The following FAM13C variants were observed in gnomAD, a reference collection of about 807,000 sequenced individuals.
FAM13C encodes the protein family with sequence similarity 13 member C, also known as protein FAM13C.
Under a neutral mutation model 73.2 loss-of-function variants are expected in FAM13C, and 37 were observed. That is an observed-to-expected ratio of 0.51 (90% CI 0.39 to 0.67). The LOEUF is 0.67. FAM13C is among the 30% of genes least tolerant of loss of function. The pLI, the probability that FAM13C is intolerant of heterozygous loss-of-function variation, is 0.00. For missense variants in FAM13C, 589 were observed against 715.6 expected (o/e 0.82, Z 2.02); for synonymous variants, 246 against 260.9 (o/e 0.94, Z 0.55).
At chr10:59,335,475 C>T (rs1852596960) in intron 3 of FAM13C, among the ~76,000 whole-genome samples, 1 of 152,132 alleles carries the variant, frequency 6.6e-6, no homozygotes, top group African/African-American at 2.4e-5. Context: ...TGCAGCTTGG[C>T]CAATAGATAC....
At chr10:59,262,696 A>T in intron 9 of FAM13C, 51 bp from the exon 10 acceptor site, 1 of 1,469,652 alleles carries the variant, frequency 6.8e-7, no homozygotes. Flanking sequence ...CACTAGTTCT[A>T]AGAATGGAGA....
chr10:59,337,890 G>T (rs923119890), intron 3 of FAM13C, among the ~76,000 whole-genome samples: 1 of 151,580 alleles, frequency 6.6e-6, no homozygotes, highest in Non-Finnish European at 1.5e-5. Context: ...ATGTTGGCCC[G>T]CCTGGTCTCG....
intron 3 of FAM13C, among the ~76,000 whole-genome samples, chr10:59,350,160 G>A (rs1346018399): frequency 6.6e-6 from 1 of 152,200 alleles, no homozygotes; most frequent in Non-Finnish European, 1.5e-5. Flanking sequence ...AGATAGAACA[G>A]GCCACTTAAA....
chr10:59,256,049 A>G (rs567107801), intron 10 of FAM13C, among the ~76,000 whole-genome samples: 1 of 152,354 alleles, frequency 6.6e-6, no homozygotes, highest in South Asian at 2.1e-4. Flanking sequence ...CCTCTGTAGA[A>G]GCCTGTTAAG....
At chr10:59,361,033 C>T (rs1856346090) in intron 1 of FAM13C, 1 of 1,289,080 alleles carries the variant, frequency 7.8e-7, no homozygotes, top group Non-Finnish European at 1.0e-6. Context: ...TACCTGTGCA[C>T]CTGGAGCAGG....
At chr10:59,273,992 C>T (rs1424744878) in intron 6 of FAM13C, among the ~76,000 whole-genome samples, 2 of 152,036 alleles carry the variant, frequency 1.3e-5, no homozygotes, top group Non-Finnish European at 2.9e-5. Flanking sequence ...TGGGATTGCC[C>T]ATCATGGTGG....
chr10:59,343,167 A>T lies in FAM13C; in HGVS notation c.324+9103T>A, dbSNP rs568555966. ...TAAAATAGCAAAATTAATGAGCTTG[A>T]AGTTTCATTTGGAAGAAAAGAAGAA... On this transcript the variant is annotated intron_variant, in intron 3 of 13. Coordinates refer to ENST00000618804, the MANE Select transcript of FAM13C (RefSeq NM_198215.4). Among the ~76,000 whole-genome samples, 3 of 152,320 alleles carry T rather than the reference A, an allele frequency of 2.0e-5. No individual in the cohort carries two copies. The South Asian group carries it at 6.2e-4, about 32-fold the overall frequency.
chr10:59,290,516 C>T (rs1405584004), intron 5 of FAM13C, among the ~76,000 whole-genome samples: 1 of 152,136 alleles, frequency 6.6e-6, no homozygotes. Context: ...ATACAACACC[C>T]TTCCTTTCCA....
At chr10:59,308,333 A>G (rs1848487271) in intron 4 of FAM13C, among the ~76,000 whole-genome samples, 1 of 151,304 alleles carries the variant, frequency 6.6e-6, no homozygotes, top group South Asian at 2.1e-4. Flanking sequence ...GACTATCACC[A>G]CCATTCACCA....
At chr10:59,271,103 C>T (rs1843672959) in intron 6 of FAM13C, among the ~76,000 whole-genome samples, 1 of 152,176 alleles carries the variant, frequency 6.6e-6, no homozygotes, top group South Asian at 2.1e-4. Context: ...CAGAGTTATT[C>T]AAGAAGCAGC....
intron 5 of FAM13C, among the ~76,000 whole-genome samples, chr10:59,296,511 C>A (rs1307432394): frequency 6.6e-6 from 1 of 152,136 alleles, no homozygotes; most frequent in East Asian, 1.9e-4. Context: ...GTAAATAAAT[C>A]ATCTCTTTTA....
chr10:59,334,313 A>G (rs1192167067), intron 3 of FAM13C, among the ~76,000 whole-genome samples: 1 of 152,226 alleles, frequency 6.6e-6, no homozygotes, highest in Non-Finnish European at 1.5e-5. Context: ...TAAGATATCT[A>G]AAGAGAATAG....
chr10:59,352,815 G>T (rs1855242444), intron 2 of FAM13C, among the ~76,000 whole-genome samples: 1 of 152,142 alleles, frequency 6.6e-6, no homozygotes, highest in South Asian at 2.1e-4. Context: ...ATATTCAGGT[G>T]AGATATCATC....
Position 59,270,114 on chromosome 10 carries a change from G to A in FAM13C, c.593-5C>T. Reference sequence around the variant, plus strand: ...CTTTGTGGACTGGTGAGGGGTCTGGGCAAATGAGACAAATCATCAAGACTT... The same window carrying A: ...CTTTGTGGACTGGTGAGGGGTCTGGACAAATGAGACAAATCATCAAGACTT... On this transcript the variant is annotated splice_region_variant and splice_polypyrimidine_tract_variant and intron_variant, in intron 6 of 13. Coordinates refer to ENST00000618804, the MANE Select transcript of FAM13C (RefSeq NM_198215.4). 6.2e-7 allele frequency: 1 copy of A among 1,611,126 alleles called. No individual in the cohort carries two copies. The highest frequency in any genetic ancestry group is 1.3e-5 in the African/African-American group (1 of 74,950).
At chr10:59,323,882 A>T in intron 4 of FAM13C, 106 bp downstream of exon 4, 1 of 981,550 alleles carries the variant, frequency 1.0e-6, no homozygotes, top group Non-Finnish European at 1.7e-6. Context: ...AAGGAATGCC[A>T]GCAAAAGTCA....
At chr10:59,362,673 G>T (rs1856555354), upstream of FAM13C, 3 of 1,170,626 alleles carry the variant, frequency 2.6e-6, no homozygotes, top group Non-Finnish European at 3.5e-6. Context: ...AGGCTGCGGG[G>T]ACAGAGCTGG....
At chr10:59,358,753 A>C (rs1008030071) in intron 1 of FAM13C, among the ~76,000 whole-genome samples, 1 of 152,170 alleles carries the variant, frequency 6.6e-6, no homozygotes, top group African/African-American at 2.4e-5. Context: ...TAAAAATGGA[A>C]ACTTGGCACC....
At chr10:59,359,602 C>T (rs1349250370) in intron 1 of FAM13C, among the ~76,000 whole-genome samples, 3 of 152,220 alleles carry the variant, frequency 2.0e-5, no homozygotes, top group Non-Finnish European at 4.4e-5. Context: ...TCTCCAGCCC[C>T]ACTACATCAA....
chr10:59,285,893 C>T (rs1845499757), intron 5 of FAM13C, among the ~76,000 whole-genome samples: 1 of 152,172 alleles, frequency 6.6e-6, no homozygotes, highest in South Asian at 2.1e-4. Flanking sequence ...CCTGCTGGCA[C>T]CTTGATCTGA....
Sources: gnomAD v4.1 joint callset for allele counts (sites outside exome capture counted in the v4.1 genomes callset) on GRCh38, gnomAD v4.1.1 for gene constraint, MANE v1.5 for transcripts, NCBI Gene and HGNC (gene_info 2026-07-23, HGNC 2026-07-21) for gene names.